The following SH3KBP1 variants were observed in gnomAD, a reference collection of about 807,000 sequenced individuals.
SH3KBP1 encodes the protein SH3 domain-containing kinase-binding protein 1.
A neutral mutation model predicts 50.1 loss-of-function variants in SH3KBP1; 8 were observed. That is an observed-to-expected ratio of 0.16 (90% CI 0.09 to 0.29). SH3KBP1 has a LOEUF of 0.29. Ranked by LOEUF, SH3KBP1 falls within the 10% of genes least tolerant of loss-of-function variation. SH3KBP1 has a pLI of 1.00. For synonymous variants in SH3KBP1, 227 were observed against 218.6 expected, an observed-to-expected ratio of 1.04 and a Z score of -0.34; for missense variants, 377 against 535.2, an observed-to-expected ratio of 0.70 and a Z score of 2.92.
At chrX:19,704,982 A>G (rs1372207888) in intron 4 of SH3KBP1, among the ~76,000 whole-genome samples, 1 of 112,611 alleles carries the variant, frequency 8.9e-6, no homozygotes, top group Non-Finnish European at 1.9e-5. Flanking sequence ...TGTTATTCAG[A>G]TATTGATAGC....
intron 9 of SH3KBP1, among the ~76,000 whole-genome samples, chrX:19,600,721 G>C (rs2067062691): frequency 9.0e-6 from 1 of 111,673 alleles, no homozygotes; most frequent in South Asian, 3.8e-4. Context: ...ACTCAGGCAA[G>C]TATTTAAGTC....
rs143892988 is a variant in SH3KBP1, at chrX:19,838,202, T to C, written c.5-1920A>G. On this transcript the variant is annotated intron_variant, in intron 1 of 17. Transcript: ENST00000397821. The stretch of plus-strand genomic sequence containing the variant: ...TTTTGTTTTAACTTTAAAAAAGTAA[T>C]AATTCAACTTCTCTATTGTTCCATT... Among the ~76,000 whole-genome samples, 69 of 112,345 alleles carry C rather than the reference T, an allele frequency of 6.1e-4. 1 individual carries two copies. In the East Asian group the frequency reaches 0.017, roughly 27 times the overall value.
At chrX:19,818,340 T>G (rs1359738402) in intron 2 of SH3KBP1, among the ~76,000 whole-genome samples, 2 of 112,503 alleles carry the variant, frequency 1.8e-5, no homozygotes, top group East Asian at 5.5e-4. Context: ...ATTCTTGGGA[T>G]GTTCTACTGG....
intron 6 of SH3KBP1, among the ~76,000 whole-genome samples, chrX:19,648,466 G>A (rs775658792): frequency 5.7e-5 from 6 of 106,093 alleles, no homozygotes; most frequent in Non-Finnish European, 1.2e-4. Flanking sequence ...GAGGGAAGGA[G>A]GGAGGGAAGG....
intron 12 of SH3KBP1, among the ~76,000 whole-genome samples, chrX:19,576,602 G>C (rs954264011): frequency 2.0e-4 from 22 of 111,434 alleles, no homozygotes; most frequent in African/African-American, 6.5e-4. Flanking sequence ...ACCATGCATG[G>C]CTAATTTAAA....
intron 12 of SH3KBP1, among the ~76,000 whole-genome samples, chrX:19,582,814 G>C (rs2066417916): frequency 1.8e-5 from 2 of 111,787 alleles, no homozygotes; most frequent in Non-Finnish European, 3.8e-5. Context: ...TCTATTCTTT[G>C]GGAAGAAAAT....
chrX:19,741,649 A>G (rs1453860601), intron 3 of SH3KBP1, among the ~76,000 whole-genome samples: 1 of 112,097 alleles, frequency 8.9e-6, no homozygotes, highest in Non-Finnish European at 1.9e-5. Context: ...TCAGAATGAC[A>G]GAAGTAAATA....
At chrX:19,796,630 C>G (rs2066724500) in intron 2 of SH3KBP1, among the ~76,000 whole-genome samples, 1 of 112,318 alleles carries the variant, frequency 8.9e-6, no homozygotes, top group Non-Finnish European at 1.9e-5. Flanking sequence ...AGAGGGAAAA[C>G]CACTTTCCAA....
intron 2 of SH3KBP1, among the ~76,000 whole-genome samples, chrX:19,790,622 T>C (rs1311865038): frequency 9.0e-6 from 1 of 111,576 alleles, no homozygotes; most frequent in African/African-American, 3.3e-5. Flanking sequence ...GTACCAGCTA[T>C]ATTTTTTTTA....
At chrX:19,538,349 C>A in intron 16 of SH3KBP1, among the ~76,000 whole-genome samples, 1 of 110,144 alleles carries the variant, frequency 9.1e-6, no homozygotes, top group Non-Finnish European at 1.9e-5. Context: ...GGACTACAAG[C>A]GCACACCACC....
chrX:19,722,801 G>A (rs1353261179), intron 3 of SH3KBP1, among the ~76,000 whole-genome samples: 2 of 104,917 alleles, frequency 1.9e-5, no homozygotes, highest in Non-Finnish European at 3.9e-5. Flanking sequence ...TGGGACCAGA[G>A]GCATCTGACC....
intron 3 of SH3KBP1, among the ~76,000 whole-genome samples, chrX:19,708,801 ACT>A (rs1333208842): frequency 9.0e-6 from 1 of 111,590 alleles, no homozygotes; most frequent in Non-Finnish European, 1.9e-5. Flanking sequence ...TTAAAAGCAA[ACT>A]CTGCAGACAC....
At chrX:19,574,327 T>C (rs1038107722) in intron 12 of SH3KBP1, among the ~76,000 whole-genome samples, 1 of 112,643 alleles carries the variant, frequency 8.9e-6, no homozygotes, top group Admixed American at 9.4e-5. Context: ...GTACAATGCT[T>C]TATACATTTA....
chrX:19,630,937 G>A (rs1278270818), intron 8 of SH3KBP1, among the ~76,000 whole-genome samples: 10 of 111,637 alleles, frequency 9.0e-5, no homozygotes, highest in South Asian at 3.8e-4. Flanking sequence ...GGCCACAGTC[G>A]GCGGGACCCT....
In SH3KBP1 at chrX:19,788,269, C is replaced by CAAAA. The variant is rs1227301099; in HGVS notation, c.163-41832_163-41829dup. 6.5e-3 allele frequency among the ~76,000 whole-genome samples: 166 copies of CAAAA among 25,547 alleles called. 6 individuals are homozygous for CAAAA. Among genetic ancestry groups the CAAAA allele is most frequent in the African/African-American group, 0.015 (153 of 9,958 alleles). 22.2% of individuals were successfully genotyped at this position (25,547 alleles called of 115,157 possible). A position where few individuals can be genotyped will look rare whatever the true frequency, so the allele number is the denominator to read the frequency against. ...GAGCAACAGAGCAAGATTCTATCTC[C>CAAAA]AAAAAAAAAAAAAAAACAAAAAAAA... On this transcript the variant is annotated intron_variant, in intron 2 of 17. Transcript: ENST00000397821.
chrX:19,590,712 C>T (rs1422597666), intron 11 of SH3KBP1, among the ~76,000 whole-genome samples: 1 of 105,806 alleles, frequency 9.5e-6, no homozygotes, highest in Non-Finnish European at 1.9e-5. Context: ...GGCATGGTCA[C>T]AGCTCACAGC....
rs982967441 is a variant in SH3KBP1, at chrX:19,579,327, G to A, written c.1298+9316C>T. 2.7e-5 allele frequency among the ~76,000 whole-genome samples: 3 copies of A among 111,676 alleles called. No homozygotes were observed. In the South Asian group the frequency reaches 1.1e-3, roughly 42 times the overall value. On this transcript the variant is annotated intron_variant, in intron 12 of 17. Transcript: ENST00000397821. ...CACAAGGATGATGACATCCATAGACGTCGCCTGCAAACCCACAGCTTGACA... is the reference window on the plus strand; with the variant it reads ...CACAAGGATGATGACATCCATAGACATCGCCTGCAAACCCACAGCTTGACA...
intron 6 of SH3KBP1, among the ~76,000 whole-genome samples, chrX:19,659,435 AT>A (rs5901658): frequency 1.9e-5 from 2 of 106,433 alleles, no homozygotes; most frequent in Non-Finnish European, 3.9e-5. Flanking sequence ...CTAATTTTTA[AT>A]TTTTTTTTCT....
chrX:19,536,468 G>C lies in SH3KBP1; in HGVS notation c.1957-10C>G. ...TGTCGTTCACTTCCATCTAGAAAGA[G>C]AAAAATAAGAATGGAACAAAGTCAT... On this transcript the variant is annotated splice_polypyrimidine_tract_variant and intron_variant, in intron 17 of 17. Coordinates refer to ENST00000397821, the MANE Select transcript of SH3KBP1 (RefSeq NM_031892.3). 9.1e-7 allele frequency: 1 copy of C among 1,093,593 alleles called. No homozygotes were observed. Among genetic ancestry groups the C allele is most frequent in the East Asian group, 3.1e-5 (1 of 32,246 alleles). 90.1% of individuals were successfully genotyped at this position (1,093,593 alleles called of 1,213,427 possible). A position where few individuals can be genotyped will look rare whatever the true frequency, so the allele number is the denominator to read the frequency against.
Sources: gnomAD v4.1 joint callset for allele counts (sites outside exome capture counted in the v4.1 genomes callset) on GRCh38, gnomAD v4.1.1 for gene constraint, MANE v1.5 for transcripts, NCBI Gene and HGNC (gene_info 2026-07-23, HGNC 2026-07-21) for gene names.